Variants in ZBED6 observed in about 807,000 individuals in gnomAD.
The protein encoded by ZBED6 is zinc finger BED-type containing 6.
A neutral mutation model predicts 58.4 loss-of-function variants in ZBED6; 40 were observed. That is an observed-to-expected ratio of 0.68 (90% CI 0.53 to 0.89). The LOEUF (loss-of-function observed/expected upper bound fraction) is 0.89. ZBED6 is among the 40% of genes least tolerant of loss of function. The pLI is 0.00. For missense variants in ZBED6, 1,057 were observed against 1,003.9 expected (o/e 1.05, Z -0.71); for synonymous variants, 439 against 350.6 (o/e 1.25, Z -2.82).
chr1:203,819,529 A>ATTTTTTTTTTTTTTT lies in ZBED6; in HGVS notation c.*2873+848_*2873+862dup, dbSNP rs755259647. ...GAGCCACCGTGCCCAGCTGACTCCA[A>ATTTTTTTTTTTTTTT]TTTTTTTTTTTTTTTTTTTTTTGAG... On this transcript the variant is annotated intron_variant, in intron 3 of 16. Transcript: ENST00000550078. Among the ~76,000 whole-genome samples, 59 of 72,872 alleles carry ATTTTTTTTTTTTTTT rather than the reference A, an allele frequency of 8.1e-4. 1 individual carries two copies. Among genetic ancestry groups the ATTTTTTTTTTTTTTT allele is most frequent in the African/African-American group, 2.8e-3 (49 of 17,402 alleles). 47.8% of individuals were successfully genotyped at this position (72,872 alleles called of 152,430 possible).
At chr1:203,830,069 A>C in intron 6 of ZBED6, 54 bp from the exon 7 acceptor site, 1 of 1,453,828 alleles carries the variant, frequency 6.9e-7, no homozygotes, top group Non-Finnish European at 9.5e-7. Context: ...TACAGATAAA[A>C]TACAAAGATG....
chr1:203,818,883 C>T lies in ZBED6; in HGVS notation c.*2873+194C>T, dbSNP rs551986902. ...AGGAGATTGAGACCATCCTAGCCAA[C>T]GTGGTGAAACCCCATCTCTACTAAA... On this transcript the variant is annotated intron_variant, in intron 3 of 16. Transcript: ENST00000550078. Among the ~76,000 whole-genome samples, 76 of 151,668 alleles carry T rather than the reference C, an allele frequency of 5.0e-4. 1 individual carries two copies. The highest frequency in any genetic ancestry group is 1.5e-3 in the Admixed American group (23 of 15,202).
At chr1:203,826,973 C>T (rs979065225) in intron 3 of ZBED6, among the ~76,000 whole-genome samples, 5 of 152,112 alleles carry the variant, frequency 3.3e-5, no homozygotes, top group Admixed American at 1.3e-4. Flanking sequence ...TGTTACTAAC[C>T]ACATCCCCAA....
At chr1:203,802,082 T>C (rs559524986) in exon 1 of ZBED6, 1 of 152,744 alleles carries the variant, frequency 6.5e-6, no homozygotes, top group Admixed American at 6.5e-5. Flanking sequence ...GTTTTGACAG[T>C]GCCAGTTTAG....
exon 12 of ZBED6, chr1:203,847,560 G>C (rs1331980064): frequency 1.9e-6 from 3 of 1,613,914 alleles, no homozygotes; most frequent in Non-Finnish European, 2.5e-6. Flanking sequence ...ACATCAAGAC[G>C]CTGGAAGAAA....
chr1:203,813,570 G>T (rs1675235578), intron 1 of ZBED6, among the ~76,000 whole-genome samples: 1 of 152,050 alleles, frequency 6.6e-6, no homozygotes, highest in Non-Finnish European at 1.5e-5. Flanking sequence ...GACTATGCTT[G>T]TTATCTGTAT....
chr1:203,829,672 CCTT>C lies in ZBED6; in HGVS notation c.*3201+22_*3201+24del, dbSNP rs1381173823. 3 of 1,614,160 alleles carry C rather than the reference CCTT, an allele frequency of 1.9e-6. No homozygotes were observed. The highest frequency in any genetic ancestry group is 1.1e-5 in the South Asian group (1 of 91,080). ...TGATGATGGTAAGTTCTGTCTGGCT[CCTT>C]CTTTAAGGCAAATAAATAGGGTCTC... On this transcript the variant is annotated intron_variant, in intron 5 of 16. Transcript: ENST00000550078.
intron 3 of ZBED6, among the ~76,000 whole-genome samples, chr1:203,822,046 C>T (rs12123537): frequency 0.02 from 3,114 of 152,156 alleles, 43 homozygotes; most frequent in Middle Eastern, 0.034. Flanking sequence ...TGTGAGCCAC[C>T]GTGCCTGGCC....
intron 11 of ZBED6, among the ~76,000 whole-genome samples, chr1:203,840,800 A>G (rs1014337793): frequency 9.9e-5 from 15 of 151,810 alleles, no homozygotes; most frequent in African/African-American, 3.4e-4. Context: ...TGCCTTGCTA[A>G]TATTTGTATT....
intron 3 of ZBED6, among the ~76,000 whole-genome samples, chr1:203,827,373 T>G (rs1680867648): frequency 6.6e-6 from 1 of 151,426 alleles, no homozygotes; most frequent in African/African-American, 2.4e-5. Context: ...TTTCTCCCAA[T>G]TTTCCTTTAT....
exon 1 of ZBED6, chr1:203,801,354 T>C (rs1204079377): frequency 2.0e-5 from 3 of 152,200 alleles, no homozygotes; most frequent in Non-Finnish European, 2.9e-5. Context: ...TTTTGGCCAC[T>C]GAATTCTTAA....
chr1:203,845,491 C>T (rs1231488902), intron 11 of ZBED6, among the ~76,000 whole-genome samples: 1 of 152,180 alleles, frequency 6.6e-6, no homozygotes, highest in Non-Finnish European at 1.5e-5. Context: ...GTTGAAGATG[C>T]AATTACAGTG....
chr1:203,797,712 AG>A lies in ZBED6; in HGVS notation c.191del (p.Arg64LysfsTer16). The A allele has an allele frequency of 6.5e-7, 1 of 1,534,836 alleles. No homozygotes were observed. The highest frequency in any genetic ancestry group is 1.2e-5 in the South Asian group (1 of 83,776). ...GGCAAAACAGCCTGCTAAAAAGAAA[AG>A]AAAGAAGGGTTTGCGAATTAAGGGG... On this transcript the variant is annotated frameshift_variant, in exon 1 of 17. Transcript: ENST00000550078. LOFTEE classifies it high-confidence loss of function.
chr1:203,822,457 T>A lies in ZBED6; in HGVS notation c.*2873+3768T>A, dbSNP rs149483936. The stretch of plus-strand genomic sequence containing the variant: ...CCAACACGATCCCTATAATGGATAC[T>A]GTTTTCACACCTTTGGGCTGTGATA... On this transcript the variant is annotated intron_variant, in intron 3 of 16. Transcript: ENST00000550078. 4.1e-4 allele frequency among the ~76,000 whole-genome samples: 63 copies of A among 152,190 alleles called. No individual in the cohort carries two copies. In the East Asian group the frequency reaches 0.011, roughly 27 times the overall value.
At chr1:203,841,234 T>C (rs2103256900) in intron 11 of ZBED6, among the ~76,000 whole-genome samples, 2 of 150,246 alleles carry the variant, frequency 1.3e-5, no homozygotes, top group South Asian at 2.1e-4. Flanking sequence ...AGGACAACAG[T>C]GGAGGGAAGG....
rs985396691 is a variant in ZBED6 at position 203,803,062 on chromosome 1, C to G, written c.*2554+46C>G. 6 of 152,594 alleles carry G rather than the reference C, an allele frequency of 3.9e-5. No individual in the cohort carries two copies. The East Asian group carries it at 1.2e-3, about 29-fold the overall frequency. 9.5% of individuals were successfully genotyped at this position (152,594 alleles called of 1,614,324 possible). A position where few individuals can be genotyped will look rare whatever the true frequency, so the allele number is the denominator to read the frequency against. ...TTTTCGCATGAAAGGAGTGAACATT[C>G]TTGTCATTTAAGGCATAATTTTCAT... On this transcript the variant is annotated intron_variant, in intron 1 of 16. Coordinates refer to ENST00000550078, the Ensembl canonical transcript of ZBED6.
chr1:203,809,331 G>C (rs1673535389), intron 1 of ZBED6, among the ~76,000 whole-genome samples: 1 of 151,444 alleles, frequency 6.6e-6, no homozygotes, highest in South Asian at 2.1e-4. Flanking sequence ...GCACACTACC[G>C]TGCCCGGCTA....
intron 3 of ZBED6, among the ~76,000 whole-genome samples, chr1:203,819,119 C>CACGTGTATATATACATATGTATATGT (rs1558111100): frequency 2.1e-5 from 3 of 140,994 alleles, no homozygotes; most frequent in Non-Finnish European, 4.6e-5. Flanking sequence ...CACACACACA[C>CACGTGTATATATACATATGTATATGT]GTGTATATAT....
chr1:203,819,368 C>T lies in ZBED6; in HGVS notation c.*2873+679C>T, dbSNP rs568829096. Among the ~76,000 whole-genome samples the T allele has an allele frequency of 1.9e-3, 278 of 143,432 alleles. 2 individuals carry two copies. Among genetic ancestry groups the T allele is most frequent in the African/African-American group, 6.8e-3 (261 of 38,412 alleles). 94.1% of individuals were successfully genotyped at this position (143,432 alleles called of 152,430 possible). A position where few individuals can be genotyped will look rare whatever the true frequency, so the allele number is the denominator to read the frequency against. Reference sequence around the variant, plus strand: ...TCCTGAGTAGCTGGGATTACAGGCACCTGCCACCATGGCCTGCTAATTTTT... The same window carrying T: ...TCCTGAGTAGCTGGGATTACAGGCATCTGCCACCATGGCCTGCTAATTTTT... On this transcript the variant is annotated intron_variant, in intron 3 of 16. Coordinates refer to ENST00000550078, the Ensembl canonical transcript of ZBED6.
Sources: allele counts gnomAD v4.1 joint callset (sites outside exome capture counted in the v4.1 genomes callset), GRCh38; gene constraint gnomAD v4.1.1; transcripts MANE v1.5; gene names NCBI Gene and HGNC (gene_info 2026-07-23, HGNC 2026-07-21).